EML2: variants seen among roughly 807,000 people sequenced by gnomAD.
EML2 encodes the protein EMAP like 2, also known as echinoderm microtubule-associated protein-like 2.
EML2 carries 59 observed loss-of-function variants against 84.7 expected under a neutral mutation model. The ratio of observed to expected loss-of-function variants is 0.70; its 90% CI spans 0.56 to 0.86. EML2 has a LOEUF of 0.86. EML2 is among the 40% of genes least tolerant of loss of function. EML2 has a pLI of 0.00. For synonymous variants in EML2, 352 were observed against 348.9 expected, an observed-to-expected ratio of 1.01 and a Z score of -0.10; for missense variants, 818 against 855.6, an observed-to-expected ratio of 0.96 and a Z score of 0.55.
intron 18 of EML2, among the ~76,000 whole-genome samples, chr19:45,611,366 G>A (rs1255556650): frequency 8.6e-5 from 13 of 151,598 alleles, no homozygotes; most frequent in Admixed American, 5.9e-4. Flanking sequence ...AGCCAAGATC[G>A]CGCCATTGCA....
rs907763753 is a variant in EML2, at chr19:45,624,892, C to G, written c.742-74G>C. On this transcript the variant is annotated intron_variant, in intron 8 of 18. Transcript: ENST00000245925. ...AGCCTCCCAGAGGTCATCTGTCACC[C>G]AGGACCGTGGCCAGGCAATCCCCTC... 8 of 1,102,230 alleles carry G rather than the reference C, an allele frequency of 7.3e-6. No individual in the cohort carries two copies. The East Asian group carries it at 2.0e-4, about 28-fold the overall frequency. 68.3% of individuals were successfully genotyped at this position (1,102,230 alleles called of 1,614,324 possible).
upstream of EML2, chr19:45,645,446 C>G: frequency 7.0e-7 from 1 of 1,423,692 alleles, no homozygotes. Context: ...TTCCAGCATC[C>G]CCAGCTCAGC....
intron 13 of EML2, among the ~76,000 whole-genome samples, 156 bp from the exon 14 acceptor site, chr19:45,617,009 G>A (rs1971168613): frequency 6.6e-6 from 1 of 152,180 alleles, no homozygotes; most frequent in African/African-American, 2.4e-5. Flanking sequence ...ACGCTGGGAG[G>A]CCGAGGCGGG....
At chr19:45,641,966 T>G, upstream of EML2, 1 of 1,443,790 alleles carries the variant, frequency 6.9e-7, no homozygotes. Context: ...GGACGTGGCA[T>G]AGCCACCCAC....
chr19:45,644,242 A>T (rs957934766), upstream of EML2, among the ~76,000 whole-genome samples: 1 of 152,102 alleles, frequency 6.6e-6, no homozygotes, highest in Middle Eastern at 3.2e-3. Flanking sequence ...AGCATAATCC[A>T]TTTTAGGAGG....
intron 11 of EML2, 30 bp downstream of exon 11, chr19:45,621,177 A>G: frequency 1.2e-6 from 2 of 1,609,784 alleles, no homozygotes; most frequent in Non-Finnish European, 1.7e-6. Flanking sequence ...AGCTGGGAAG[A>G]GGGGAGGGGT....
At chr19:45,623,295 C>T (rs1971938956) in intron 9 of EML2, among the ~76,000 whole-genome samples, 1 of 151,822 alleles carries the variant, frequency 6.6e-6, no homozygotes. Context: ...GGAGGCAGAG[C>T]TTGCAGTGAG....
chr19:45,618,895 C>T (rs1208312636), intron 12 of EML2, 165 bp downstream of exon 12: 3 of 685,232 alleles, frequency 4.4e-6, no homozygotes, highest in South Asian at 2.9e-5. Context: ...TGCAGTGAGC[C>T]GAGATCGTGC....
At chr19:45,610,425 G>A (rs1271182967) in intron 18 of EML2, among the ~76,000 whole-genome samples, 1 of 151,912 alleles carries the variant, frequency 6.6e-6, no homozygotes, top group African/African-American at 2.4e-5. Context: ...GAACAGCTGG[G>A]CATGGTGGCT....
intron 8 of EML2, 127 bp from the exon 9 acceptor site, chr19:45,624,945 C>T (rs890223788): frequency 9.0e-6 from 6 of 665,684 alleles, no homozygotes; most frequent in South Asian, 7.3e-5. Context: ...TAAGGCTCTG[C>T]GTGGAGCATC....
rs774136615 is a variant in EML2, at chr19:45,615,825, G to C, written c.1574C>G (p.Ser525Cys). The change falls in exon 16 of 19, where the codon TCC (serine) becomes TGC (cysteine). Residue 525 changes from serine (S) to cysteine (C), a missense_variant. Transcript: ENST00000245925. ...AQDSSCFVTN[S>C]GDYEILYWDP... ...ACAGTACAGAATCTCATAGTCCCCG[G>C]AGTTGGTGACAAAGCAGCTGCTGTC... 6.2e-7 allele frequency: 1 copy of C among 1,613,798 alleles called. No homozygotes were observed. Among genetic ancestry groups the C allele is most frequent in the Admixed American group, 1.7e-5 (1 of 59,972 alleles).
Position 45,624,763 on chromosome 19 carries a change from A to G in EML2, c.797T>C (p.Val266Ala), listed in dbSNP as rs1034334512. 1.9e-6 allele frequency: 3 copies of G among 1,613,954 alleles called. No homozygotes were observed. The Admixed American group carries it at 5.0e-5, about 27-fold the overall frequency. Residue 266 changes from valine to alanine, a missense_variant, in exon 9 of 19, where the codon GTG (valine) becomes GCG (alanine). Physicochemically the swap from Val to Ala is moderately conservative, Grantham distance 64. Coordinates refer to ENST00000245925, the MANE Select transcript of EML2 (RefSeq NM_012155.4). ...GTTCCCCCCAGAGTCCCCCGTGACC[A>G]CGTCGCCACCTTCCAAAAAGGTCAC... ...LCVTFLEGGD[V>A]VTGDSGGNLY...
At position 45,627,514 on chromosome 19, in the gene EML2, T is replaced by C. The variant is rs1972509876; in HGVS notation, c.607-675A>G. On this transcript the variant is annotated intron_variant, in intron 7 of 18. Coordinates refer to ENST00000245925, the MANE Select transcript of EML2 (RefSeq NM_012155.4). ...AAGTGATCTTCCCACCTCAGCCTCC[T>C]AAAGTGCTGGGATTACAGGCGTGAG... Among the ~76,000 whole-genome samples the C allele has an allele frequency of 2.0e-5, 3 of 151,940 alleles. No individual in the cohort carries two copies. The South Asian group carries it at 6.2e-4, about 31-fold the overall frequency.
Position 45,621,597 on chromosome 19 carries a change from G to A in EML2, c.882C>T (p.Asp294=), listed in dbSNP as rs2304178. The change falls in exon 10 of 19, where the codon GAC becomes GAT. Residue 294 remains aspartate (D), a synonymous_variant. Coordinates refer to ENST00000245925, the MANE Select transcript of EML2 (RefSeq NM_012155.4). ...RITQAVLGAH[D]GGVFGLCALR... is the part of the protein sequence containing the mutation. ...GGGCGCAGAGCCCAAACACGCCGCC[G>A]TCGTGGGCGCCCAGCACCGCCTGTG... is the stretch of plus-strand genomic sequence containing the variant. 2.9e-4 allele frequency: 473 copies of A among 1,610,708 alleles called. 1 individual carries two copies. The East Asian group carries it at 5.7e-3, about 19-fold the overall frequency.
At chr19:45,621,390 A>C in intron 10 of EML2, 58 bp from the exon 11 acceptor site, 1 of 1,574,032 alleles carries the variant, frequency 6.4e-7, no homozygotes, top group South Asian at 1.2e-5. Context: ...GTGTGGGGTG[A>C]CATACTGTGG....
chr19:45,632,496 T>A (rs61024658), intron 6 of EML2: 21,217 of 179,790 alleles, frequency 0.12, 2,981 homozygotes, highest in African/African-American at 0.35. Context: ...GATTTTTTTT[T>A]AAAAAAAAGC....
rs938989949 is a variant in EML2, at chr19:45,616,392, A to G, written c.1509+69T>C. On this transcript the variant is annotated intron_variant, in intron 15 of 18. Coordinates refer to ENST00000245925, the MANE Select transcript of EML2 (RefSeq NM_012155.4). Reference sequence around the variant, plus strand: ...TGTTGAAGCTGCGCTCCCTTGAGGTAGAAAATTGGTTAATTTTGCACCCCC... The same window carrying G: ...TGTTGAAGCTGCGCTCCCTTGAGGTGGAAAATTGGTTAATTTTGCACCCCC... The G allele has an allele frequency of 1.2e-5, 14 of 1,211,542 alleles. No homozygotes were observed. In the East Asian group the frequency reaches 3.1e-4, roughly 27 times the overall value. 75.0% of individuals were successfully genotyped at this position (1,211,542 alleles called of 1,614,324 possible). A position where few individuals can be genotyped will look rare whatever the true frequency, so the allele number is the denominator to read the frequency against.
At chr19:45,615,600 C>T (rs187261994) in intron 16 of EML2, among the ~76,000 whole-genome samples, 5 of 151,662 alleles carry the variant, frequency 3.3e-5, no homozygotes, top group African/African-American at 9.7e-5. Context: ...TCCTACCCAT[C>T]CGACCGGAAA....
intron 9 of EML2, among the ~76,000 whole-genome samples, chr19:45,623,192 T>C (rs1971922688): frequency 6.7e-6 from 1 of 149,588 alleles, no homozygotes; most frequent in African/African-American, 2.5e-5. Context: ...ACCCCGTCTC[T>C]ACTAAAAATA....
Sources: allele counts gnomAD v4.1 joint callset (sites outside exome capture counted in the v4.1 genomes callset), GRCh38; gene constraint gnomAD v4.1.1; transcripts MANE v1.5; gene names NCBI Gene and HGNC (gene_info 2026-07-23, HGNC 2026-07-21).